The following BRWD1 variants were observed in gnomAD, a reference collection of about 807,000 sequenced individuals.
BRWD1 encodes the protein bromodomain and WD repeat domain containing 1, also known as bromodomain and WD repeat-containing protein 1.
Under a neutral mutation model 251.2 loss-of-function variants are expected in BRWD1, and 82 were observed. The ratio of observed to expected loss-of-function variants is 0.33; its 90% CI spans 0.27 to 0.39. BRWD1 has a LOEUF of 0.39. Ranked by LOEUF, BRWD1 falls within the 10% of genes least tolerant of loss-of-function variation. BRWD1 has a pLI of 1.00. For missense variants in BRWD1, 2,233 were observed against 2,711.6 expected (o/e 0.82, Z 3.92); for synonymous variants, 918 against 902.8 (o/e 1.02, Z -0.30).
rs2035217407 is a variant in BRWD1, at chr21:39,274,475, T to G, written c.1146-3A>C. The G allele has an allele frequency of 1.2e-6, 2 of 1,609,736 alleles. No homozygotes were observed. Among genetic ancestry groups the G allele is most frequent in the Non-Finnish European group, 1.7e-6 (2 of 1,176,256 alleles). ...CATCTCTGCTACCACTTAGGAACCT[T>G]AAAACATTCAGAACAGGATCTTACT... On this transcript the variant is annotated splice_region_variant and splice_polypyrimidine_tract_variant and intron_variant, in intron 12 of 40. Transcript: ENST00000342449.
At chr21:39,314,196 A>T (rs1246064007), upstream of BRWD1, 3 of 455,748 alleles carry the variant, frequency 6.6e-6, no homozygotes, top group East Asian at 2.1e-4. Context: ...CCTCCCGCAG[A>T]GGGGAACGCC....
intron 4 of BRWD1, among the ~76,000 whole-genome samples, chr21:39,308,964 A>G (rs2036377672): frequency 6.6e-6 from 1 of 152,118 alleles, no homozygotes; most frequent in African/African-American, 2.4e-5. Flanking sequence ...TCACAAGGTC[A>G]AGAGATGGAG....
chr21:39,270,465 T>C (rs557951077), intron 13 of BRWD1, 32 bp from the exon 14 acceptor site: 1 of 1,540,558 alleles, frequency 6.5e-7, no homozygotes, highest in African/African-American at 1.4e-5. Context: ...TGTAAACTTA[T>C]TTAGATGGCT....
chr21:39,314,360 G>T (rs1220522856), upstream of BRWD1: 1 of 455,656 alleles, frequency 2.2e-6, no homozygotes, highest in Admixed American at 2.4e-5. Context: ...GAGGGGGTGC[G>T]AGTCGGGGGA....
intron 8 of BRWD1, among the ~76,000 whole-genome samples, chr21:39,286,958 C>T (rs1029971291): frequency 1.3e-5 from 2 of 152,122 alleles, no homozygotes; most frequent in Non-Finnish European, 2.9e-5. Context: ...CACTGGTCAT[C>T]AAGATTCACC....
At chr21:39,319,593 T>G (rs1014857066) in intron 1 of BRWD1, among the ~76,000 whole-genome samples, 2 of 152,242 alleles carry the variant, frequency 1.3e-5, no homozygotes, top group African/African-American at 2.4e-5. Flanking sequence ...ATTTATTGGA[T>G]ATGTTTGTAT....
intron 8 of BRWD1, among the ~76,000 whole-genome samples, chr21:39,292,349 T>C (rs1011790145): frequency 1.3e-5 from 2 of 152,182 alleles, no homozygotes; most frequent in African/African-American, 4.8e-5. Context: ...CCAAGAACCG[T>C]GCACTAGTAA....
At chr21:39,223,825 T>G (rs1010848900) in intron 29 of BRWD1, among the ~76,000 whole-genome samples, 5 of 152,114 alleles carry the variant, frequency 3.3e-5, no homozygotes, top group Non-Finnish European at 5.9e-5. Context: ...GTAGGAAAAG[T>G]AGAGGCTACA....
chr21:39,288,176 C>T lies in BRWD1; in HGVS notation c.831+5635G>A, dbSNP rs187068767. 2.6e-5 allele frequency among the ~76,000 whole-genome samples: 4 copies of T among 152,322 alleles called. No homozygotes were observed. In the East Asian group the frequency reaches 7.7e-4, roughly 29 times the overall value. ...TTACCATGAAGACCTTTCCATAGGG[C>T]AGTTTGAGTGTGCAATCTACCTAAC... On this transcript the variant is annotated intron_variant, in intron 8 of 40. Transcript: ENST00000342449.
At chr21:39,209,918 G>GA (rs2032582081) in intron 36 of BRWD1, 77 bp downstream of exon 36, 6 of 1,425,162 alleles carry the variant, frequency 4.2e-6, no homozygotes, top group Non-Finnish European at 5.7e-6. Context: ...AATTACACTG[G>GA]AAAAAATTAC....
At chr21:39,231,406 C>CTGTA (rs2033611062) in intron 25 of BRWD1, among the ~76,000 whole-genome samples, 1 of 152,112 alleles carries the variant, frequency 6.6e-6, no homozygotes, top group Non-Finnish European at 1.5e-5. Context: ...ACAAGATGGG[C>CTGTA]TGTACATAGT....
chr21:39,191,324 T>C lies in BRWD1; in HGVS notation c.*4935A>G. ...TGCCTGCATGAAAAGAAATTACCAG[T>C]GGAAAAGAGGTTGGGGAACCACTTG... On this transcript the variant is annotated 3_prime_UTR_variant, in exon 41 of 41. Transcript: ENST00000342449. 3.0e-6 allele frequency: 3 copies of C among 985,264 alleles called. No individual in the cohort carries two copies. The highest frequency in any genetic ancestry group is 3.6e-6 in the Non-Finnish European group (3 of 829,884). 61.0% of individuals were successfully genotyped at this position (985,264 alleles called of 1,614,324 possible).
At chr21:39,248,195 A>G (rs2034262818) in intron 20 of BRWD1, among the ~76,000 whole-genome samples, 1 of 152,234 alleles carries the variant, frequency 6.6e-6, no homozygotes, top group African/African-American at 2.4e-5. Context: ...CAACTTCTCA[A>G]GGAATTTCTC....
chr21:39,270,744 A>T (rs1222567164), intron 13 of BRWD1, among the ~76,000 whole-genome samples: 1 of 152,238 alleles, frequency 6.6e-6, no homozygotes, highest in African/African-American at 2.4e-5. Context: ...TTCTGAATAC[A>T]AACCTATTGC....
Position 39,189,885 on chromosome 21 carries a change from T to A in BRWD1, c.*6374A>T, listed in dbSNP as rs191403160. 22 of 985,414 alleles carry A rather than the reference T, an allele frequency of 2.2e-5. No homozygotes were observed. In the African/African-American group the frequency reaches 3.8e-4, roughly 17 times the overall value. 61.0% of individuals were successfully genotyped at this position (985,414 alleles called of 1,614,324 possible). Reference sequence around the variant, plus strand: ...TAACAATGCATTTGTGATGGTGCCATGTGATACTAAGAAGTCAGTAGAATC... The same window carrying A: ...TAACAATGCATTTGTGATGGTGCCAAGTGATACTAAGAAGTCAGTAGAATC... On this transcript the variant is annotated 3_prime_UTR_variant, in exon 41 of 41. Coordinates refer to ENST00000342449, the MANE Select transcript of BRWD1 (RefSeq NM_033656.4).
At chr21:39,247,897 G>T (rs1220183671) in intron 20 of BRWD1, 65 bp from the exon 21 acceptor site, 1 of 1,434,954 alleles carries the variant, frequency 7.0e-7, no homozygotes. Context: ...CAACAAAATG[G>T]GCATTCCGTC....
At chr21:39,255,882 T>C (rs959383974) in intron 18 of BRWD1, 54 bp from the exon 19 acceptor site, 7 of 1,505,890 alleles carry the variant, frequency 4.6e-6, no homozygotes, top group Non-Finnish European at 2.8e-6. Context: ...CTAATATACA[T>C]TTAGCATGTA....
chr21:39,315,220 T>C (rs2036675520), upstream of BRWD1, among the ~76,000 whole-genome samples: 2 of 150,278 alleles, frequency 1.3e-5, no homozygotes, highest in South Asian at 4.5e-4. Context: ...GCCAGGCTGG[T>C]CTCGAACTCC....
intron 36 of BRWD1, 24 bp downstream of exon 36, chr21:39,209,971 T>C: frequency 2.5e-6 from 4 of 1,603,222 alleles, no homozygotes; most frequent in Non-Finnish European, 3.4e-6. Context: ...GCAGTTTTTT[T>C]CAATAAACCA....
Sources: gnomAD v4.1 joint callset for allele counts (sites outside exome capture counted in the v4.1 genomes callset) on GRCh38, gnomAD v4.1.1 for gene constraint, MANE v1.5 for transcripts, NCBI Gene and HGNC (gene_info 2026-07-23, HGNC 2026-07-21) for gene names.